MAPK10: variants seen among roughly 807,000 people sequenced by gnomAD.
MAPK10 encodes mitogen-activated protein kinase 10.
MAPK10 carries 25 observed loss-of-function variants against 59.3 expected under a neutral mutation model. That is an observed-to-expected ratio of 0.42 (90% CI 0.31 to 0.59). The LOEUF (loss-of-function observed/expected upper bound fraction) is 0.59, where lower values mean the gene tolerates loss of function less well. Ranked by LOEUF, MAPK10 falls within the 20% of genes least tolerant of loss-of-function variation. MAPK10 has a pLI of 0.15. For missense variants in MAPK10, 351 were observed against 568.9 expected (o/e 0.62, Z 3.90); for synonymous variants, 190 against 200.5 (o/e 0.95, Z 0.44).
At chr4:86,365,430 T>TAAAAAA (rs1564734606) in intron 1 of MAPK10, among the ~76,000 whole-genome samples, 1 of 10,460 alleles carries the variant, frequency 9.6e-5, no homozygotes, top group Non-Finnish European at 2.0e-4. Flanking sequence ...AGACTCTGTC[T>TAAAAAA]CAAAAAAAAA....
chr4:86,445,743 A>G (rs530712849), intron 1 of MAPK10, among the ~76,000 whole-genome samples: 11 of 152,288 alleles, frequency 7.2e-5, no homozygotes, highest in African/African-American at 2.6e-4. Context: ...GTATGTATGT[A>G]GAAGGGGAAA....
chr4:86,284,146 G>A (rs1478241203), intron 2 of MAPK10, among the ~76,000 whole-genome samples: 1 of 152,126 alleles, frequency 6.6e-6, no homozygotes, highest in Non-Finnish European at 1.5e-5. Flanking sequence ...CCTTTTACAT[G>A]TAATGCAATA....
intron 1 of MAPK10, among the ~76,000 whole-genome samples, chr4:86,427,756 A>C (rs1181659368): frequency 6.6e-6 from 1 of 152,222 alleles, no homozygotes; most frequent in East Asian, 1.9e-4. Context: ...TAAAATTTTT[A>C]TACTTTATTT....
intron 4 of MAPK10, among the ~76,000 whole-genome samples, chr4:86,135,725 G>A (rs1382876721): frequency 6.6e-6 from 1 of 150,674 alleles, no homozygotes; most frequent in Non-Finnish European, 1.5e-5. Flanking sequence ...GGCTTCAGAC[G>A]ATCAAATTAC....
intron 1 of MAPK10, among the ~76,000 whole-genome samples, chr4:86,553,600 C>T (rs916799199): frequency 1.3e-5 from 2 of 152,120 alleles, no homozygotes; most frequent in Non-Finnish European, 2.9e-5. Context: ...CAAGGGGGAA[C>T]AAAAGCTACG....
chr4:86,366,361 A>C (rs1194357237), intron 1 of MAPK10, among the ~76,000 whole-genome samples: 1 of 152,206 alleles, frequency 6.6e-6, no homozygotes, highest in Non-Finnish European at 1.5e-5. Context: ...AAAACTCCTC[A>C]AAGTGTAATT....
At chr4:86,121,017 T>C (rs928920980) in intron 4 of MAPK10, among the ~76,000 whole-genome samples, 1 of 152,222 alleles carries the variant, frequency 6.6e-6, no homozygotes, top group African/African-American at 2.4e-5. Context: ...CTATTTCTTA[T>C]ATATTCTTGG....
At chr4:86,301,545 C>A (rs1177346650) in intron 2 of MAPK10, among the ~76,000 whole-genome samples, 1 of 152,112 alleles carries the variant, frequency 6.6e-6, no homozygotes, top group Non-Finnish European at 1.5e-5. Context: ...CTATTATCCT[C>A]TTTAATGAAG....
intron 1 of MAPK10, among the ~76,000 whole-genome samples, chr4:86,408,679 G>T (rs1160111400): frequency 3.9e-5 from 6 of 152,160 alleles, no homozygotes; most frequent in African/African-American, 1.2e-4. Flanking sequence ...TCATGTGTCT[G>T]TTGGCTGCAT....
chr4:86,046,667 T>A, intron 11 of MAPK10, among the ~76,000 whole-genome samples: 1 of 152,142 alleles, frequency 6.6e-6, no homozygotes, highest in Admixed American at 6.6e-5. Context: ...TTATGACATG[T>A]CTGACATTAC....
chr4:86,187,772 T>C (rs947143800), intron 3 of MAPK10, among the ~76,000 whole-genome samples: 2 of 152,138 alleles, frequency 1.3e-5, no homozygotes, highest in Non-Finnish European at 2.9e-5. Flanking sequence ...CTAAACTACT[T>C]TTTTAAAAAC....
At chr4:86,483,986 C>T (rs1439888148) in intron 1 of MAPK10, among the ~76,000 whole-genome samples, 1 of 152,112 alleles carries the variant, frequency 6.6e-6, no homozygotes, top group African/African-American at 2.4e-5. Context: ...GCCAAGAGAG[C>T]AGGCTTCCAA....
At chr4:86,233,565 AT>A (rs1397912669) in intron 2 of MAPK10, among the ~76,000 whole-genome samples, 1 of 152,156 alleles carries the variant, frequency 6.6e-6, no homozygotes, top group East Asian at 1.9e-4. Context: ...CCTTTAAAAT[AT>A]GTGGTGTTAT....
chr4:86,046,299 T>C (rs1260131239), intron 11 of MAPK10, among the ~76,000 whole-genome samples: 1 of 151,648 alleles, frequency 6.6e-6, no homozygotes, highest in Non-Finnish European at 1.5e-5. Flanking sequence ...GCTTTATTTC[T>C]TTCTCTTGCC....
intron 1 of MAPK10, among the ~76,000 whole-genome samples, chr4:86,378,350 C>T (rs1038226656): frequency 1.2e-4 from 19 of 152,266 alleles, no homozygotes; most frequent in Admixed American, 3.9e-4. Context: ...TCTTCCTTAA[C>T]GTGTGCATTA....
chr4:86,464,026 T>G (rs1044189581), intron 1 of MAPK10, among the ~76,000 whole-genome samples: 1 of 152,138 alleles, frequency 6.6e-6, no homozygotes, highest in Non-Finnish European at 1.5e-5. Flanking sequence ...ACCGTGACTA[T>G]GATAGGAAAT....
chr4:86,566,845 G>T (rs1761094819), intron 1 of MAPK10, among the ~76,000 whole-genome samples: 1 of 152,126 alleles, frequency 6.6e-6, no homozygotes. Flanking sequence ...CAAGGCTGGA[G>T]AATCACTTGA....
chr4:86,465,828 A>G (rs1752152106), intron 1 of MAPK10, among the ~76,000 whole-genome samples: 1 of 152,188 alleles, frequency 6.6e-6, no homozygotes. Flanking sequence ...GAAGGACCCC[A>G]GCTGTCACGA....
chr4:86,238,403 TG>T lies in MAPK10; in HGVS notation c.-6-43997del, dbSNP rs768475481. On this transcript the variant is annotated intron_variant, in intron 2 of 13. Transcript: ENST00000641462. ...GTGAAGAATGTCAAAGGTAGTTTGATGGGAATAGCATTGAATCTATAAATTA... is the reference window on the plus strand; with the variant it reads ...GTGAAGAATGTCAAAGGTAGTTTGATGGAATAGCATTGAATCTATAAATTA... Among the ~76,000 whole-genome samples the T allele has an allele frequency of 2.5e-3, 384 of 152,348 alleles. 1 individual carries two copies. The highest frequency in any genetic ancestry group is 5.1e-3 in the Admixed American group (78 of 15,304).
Sources: gnomAD v4.1 joint callset for allele counts (sites outside exome capture counted in the v4.1 genomes callset) on GRCh38, gnomAD v4.1.1 for gene constraint, MANE v1.5 for transcripts, NCBI Gene and HGNC (gene_info 2026-07-23, HGNC 2026-07-21) for gene names.